DOCK2: variants seen among roughly 807,000 people sequenced by gnomAD.
DOCK2 encodes the protein dedicator of cytokinesis 2, also known as dedicator of cytokinesis protein 2.
Under a neutral mutation model 248.9 loss-of-function variants are expected in DOCK2, and 87 were observed. The observed-to-expected ratio is 0.35, with a 90% CI of 0.29 to 0.42. The LOEUF (loss-of-function observed/expected upper bound fraction) is 0.42, where lower values mean the gene tolerates loss of function less well. Among genes scored for constraint, DOCK2 ranks in the 10% least tolerant of loss-of-function variants. The probability of loss-of-function intolerance (pLI) is 1.00; values close to 1 mark genes in which losing one functional copy is unlikely to be tolerated. For synonymous variants in DOCK2, 805 were observed against 821.6 expected (o/e 0.98, Z 0.35); for missense variants, 1,747 against 2,300.2 (o/e 0.76, Z 4.92).
intron 44 of DOCK2, among the ~76,000 whole-genome samples, chr5:170,066,656 A>G (rs1757504129): frequency 6.6e-6 from 1 of 152,192 alleles, no homozygotes; most frequent in Non-Finnish European, 1.5e-5. Flanking sequence ...CCACAAAACA[A>G]GTCTTAACAA....
chr5:169,835,259 G>GTTTTTTTTTTTTTTTTTTTTTTTT lies in DOCK2; in HGVS notation c.2704-5498_2704-5497insTTTTTTTTTTTTTTTTTTTTTTTT, dbSNP rs763950012. 1.4e-5 allele frequency among the ~76,000 whole-genome samples: 2 copies of GTTTTTTTTTTTTTTTTTTTTTTTT among 138,610 alleles called. 1 individual carries two copies. Among genetic ancestry groups the GTTTTTTTTTTTTTTTTTTTTTTTT allele is most frequent in the Non-Finnish European group, 3.0e-5 (2 of 66,280 alleles). The allele number at this position is 138,610 out of a possible 152,430, so 90.9% of individuals were successfully genotyped here. On this transcript the variant is annotated intron_variant, in intron 26 of 51. Coordinates refer to ENST00000520908, the MANE Select transcript of DOCK2 (RefSeq NM_004946.3). ...AGTGGGAGGAAAGAGTGAAATGCCTGGTTTTTTTTTTTTTTTTTTTGAGAC... is the reference window on the plus strand; with the variant it reads ...AGTGGGAGGAAAGAGTGAAATGCCTGTTTTTTTTTTTTTTTTTTTTTTTTGTTTTTTTTTTTTTTTTTTTGAGAC...
chr5:169,955,674 C>T (rs1024127430), intron 27 of DOCK2, among the ~76,000 whole-genome samples: 1 of 152,142 alleles, frequency 6.6e-6, no homozygotes, highest in Admixed American at 6.5e-5. Flanking sequence ...TTTTGAATTC[C>T]AGCCTAGCCA....
intron 27 of DOCK2, among the ~76,000 whole-genome samples, chr5:169,960,661 T>C (rs1777046396): frequency 6.6e-6 from 1 of 152,228 alleles, no homozygotes; most frequent in Non-Finnish European, 1.5e-5. Context: ...TGTGTGGTAA[T>C]ATTCGGGTCT....
intron 45 of DOCK2, among the ~76,000 whole-genome samples, chr5:170,068,269 T>C (rs1281620120): frequency 6.6e-6 from 1 of 152,226 alleles, no homozygotes; most frequent in Non-Finnish European, 1.5e-5. Flanking sequence ...TTATATGAGT[T>C]ACATTATCCA....
intron 27 of DOCK2, chr5:169,882,665 G>C: frequency 6.4e-7 from 1 of 1,552,096 alleles, no homozygotes; most frequent in Non-Finnish European, 8.7e-7. Context: ...CGGCCTTGGA[G>C]GTCGCAGAGT....
At chr5:170,082,691 C>A in intron 51 of DOCK2, 105 bp from the exon 52 acceptor site, 1 of 1,395,974 alleles carries the variant, frequency 7.2e-7, no homozygotes, top group Non-Finnish European at 9.9e-7. Context: ...GGGCTTTGGG[C>A]AGGGGTCAGT....
At chr5:169,882,760 G>A in intron 27 of DOCK2, 1 of 1,551,728 alleles carries the variant, frequency 6.4e-7, no homozygotes, top group Non-Finnish European at 8.7e-7. Context: ...AAGAGAGGAT[G>A]GGAGATGATT....
intron 3 of DOCK2, 39 bp from the exon 4 acceptor site, chr5:169,670,498 ATCTTT>A (rs758487020): frequency 1.3e-5 from 20 of 1,582,234 alleles, no homozygotes; most frequent in Non-Finnish European, 1.7e-5. Flanking sequence ...GTGGTGATAT[ATCTTT>A]TTATTTTATT....
At chr5:169,864,374 A>T in intron 27 of DOCK2, 1 of 1,551,286 alleles carries the variant, frequency 6.4e-7, no homozygotes, top group Non-Finnish European at 8.7e-7. Context: ...GGTGGGGGCG[A>T]TGCCTCCTCA....
At chr5:169,798,428 C>T (rs944069704) in intron 25 of DOCK2, among the ~76,000 whole-genome samples, 1 of 152,216 alleles carries the variant, frequency 6.6e-6, no homozygotes, top group African/African-American at 2.4e-5. Context: ...GATTTAAAGT[C>T]TGGTGACTTA....
intron 15 of DOCK2, among the ~76,000 whole-genome samples, chr5:169,709,457 A>G (rs912934738): frequency 6.6e-6 from 1 of 152,162 alleles, no homozygotes; most frequent in Admixed American, 6.5e-5. Flanking sequence ...TCCCAGCACT[A>G]TGAGAGGCTG....
intron 33 of DOCK2, among the ~76,000 whole-genome samples, chr5:170,024,983 A>G (rs1304633928): frequency 6.6e-6 from 1 of 152,234 alleles, no homozygotes; most frequent in Non-Finnish European, 1.5e-5. Context: ...AGTTCAGCTC[A>G]CCAGGAAGAA....
chr5:169,683,112 C>T (rs769109414), intron 7 of DOCK2, among the ~76,000 whole-genome samples: 9 of 152,160 alleles, frequency 5.9e-5, no homozygotes, highest in Non-Finnish European at 8.8e-5. Context: ...AATCCTTGTG[C>T]GGACATGTTT....
chr5:169,948,162 C>G (rs1045642121), intron 27 of DOCK2, among the ~76,000 whole-genome samples: 2 of 152,148 alleles, frequency 1.3e-5, no homozygotes, highest in Non-Finnish European at 2.9e-5. Context: ...AACCTCTTCT[C>G]TTCATTCATT....
intron 27 of DOCK2, chr5:169,883,059 C>G: frequency 6.4e-7 from 1 of 1,551,536 alleles, no homozygotes; most frequent in East Asian, 2.4e-5. Context: ...TGTCTTTGGG[C>G]AAAAGCAATT....
intron 23 of DOCK2, among the ~76,000 whole-genome samples, 193 bp downstream of exon 23, chr5:169,747,697 T>C (rs1276075808): frequency 6.6e-6 from 1 of 152,212 alleles, no homozygotes; most frequent in African/African-American, 2.4e-5. Flanking sequence ...CCCATGAAGC[T>C]AGCAGTGCCT....
chr5:169,801,190 T>G (rs890927582), intron 25 of DOCK2, among the ~76,000 whole-genome samples: 3 of 127,692 alleles, frequency 2.3e-5, no homozygotes, highest in Non-Finnish European at 5.0e-5. Context: ...TTAGTAGACT[T>G]GGGGTTTCAC....
intron 46 of DOCK2, among the ~76,000 whole-genome samples, chr5:170,072,928 A>G (rs1219500261): frequency 2.0e-5 from 3 of 152,170 alleles, no homozygotes; most frequent in Non-Finnish European, 4.4e-5. Flanking sequence ...TGTCAAATAT[A>G]TGTATTGCAA....
In DOCK2 at chr5:170,076,284, C is replaced by G. The variant is rs772822069; in HGVS notation, c.4866+200C>G. Among the ~76,000 whole-genome samples, 192 of 152,274 alleles carry G rather than the reference C, an allele frequency of 1.3e-3. 2 individuals are homozygous for G. The highest frequency in any genetic ancestry group is 2.5e-3 in the Admixed American group (39 of 15,296). ...AGCAAAAGTAACCCCCAGACAAACTCCAGTTACAACTGGATTGTGCAGATA... is the reference window on the plus strand; with the variant it reads ...AGCAAAAGTAACCCCCAGACAAACTGCAGTTACAACTGGATTGTGCAGATA... On this transcript the variant is annotated intron_variant, in intron 47 of 51. Coordinates refer to ENST00000520908, the MANE Select transcript of DOCK2 (RefSeq NM_004946.3).
Sources: gnomAD v4.1 joint callset for allele counts (sites outside exome capture counted in the v4.1 genomes callset) on GRCh38, gnomAD v4.1.1 for gene constraint, MANE v1.5 for transcripts, NCBI Gene and HGNC (gene_info 2026-07-23, HGNC 2026-07-21) for gene names.